The following HECW1 variants were observed in gnomAD, a reference collection of about 807,000 sequenced individuals.
HECW1 encodes the protein E3 ubiquitin-protein ligase HECW1.
In HECW1, 61 loss-of-function variants were observed where a neutral mutation model predicts 182.3. That is an observed-to-expected ratio of 0.33 (90% CI 0.27 to 0.41). The LOEUF is 0.41. HECW1 is among the 10% of genes least tolerant of loss of function. HECW1 has a pLI of 1.00. For missense variants in HECW1, 1,739 were observed against 2,108.9 expected (o/e 0.82, Z 3.44); for synonymous variants, 859 against 832.6 (o/e 1.03, Z -0.55).
At chr7:43,295,089 A>G (rs531888625) in intron 3 of HECW1, among the ~76,000 whole-genome samples, 59 of 152,316 alleles carry the variant, frequency 3.9e-4, no homozygotes, top group African/African-American at 1.4e-3. Context: ...TACACAATTT[A>G]CAGGAATAGT....
intron 17 of HECW1, among the ~76,000 whole-genome samples, chr7:43,490,837 A>C (rs1381984280): frequency 6.6e-6 from 1 of 152,160 alleles, no homozygotes; most frequent in Non-Finnish European, 1.5e-5. Context: ...GGTTCACTGC[A>C]ACCTATGCCT....
chr7:43,533,454 C>G (rs2081066426), intron 24 of HECW1, among the ~76,000 whole-genome samples: 1 of 152,134 alleles, frequency 6.6e-6, no homozygotes, highest in Admixed American at 6.5e-5. Flanking sequence ...AGAGTCATGG[C>G]TTGGGAAACA....
rs578058336 is a variant in HECW1, at chr7:43,185,839, G to A, written c.-31-58036G>A. Reference sequence around the variant, plus strand: ...TTCCTTTAATATAATTTAATTTTAAGTTATATAATTTAATTTGTAATAATG... The same window carrying A: ...TTCCTTTAATATAATTTAATTTTAAATTATATAATTTAATTTGTAATAATG... On this transcript the variant is annotated intron_variant, in intron 2 of 29. Transcript: ENST00000395891. 3.9e-5 allele frequency among the ~76,000 whole-genome samples: 6 copies of A among 152,126 alleles called. No individual in the cohort carries two copies. The South Asian group carries it at 1.2e-3, about 32-fold the overall frequency.
chr7:43,454,742 C>T (rs1032929775), intron 12 of HECW1, among the ~76,000 whole-genome samples: 6 of 151,658 alleles, frequency 4.0e-5, no homozygotes, highest in Non-Finnish European at 7.4e-5. Flanking sequence ...ATATTTTTTC[C>T]CTTAAAAAAA....
intron 2 of HECW1, among the ~76,000 whole-genome samples, chr7:43,234,253 ATCCT>A (rs1798118246): frequency 6.6e-6 from 1 of 151,734 alleles, no homozygotes; most frequent in Non-Finnish European, 1.5e-5. Context: ...CTCCCTCCTC[ATCCT>A]TCCAGTGTGT....
At chr7:43,259,346 T>C (rs11773859) in intron 3 of HECW1, among the ~76,000 whole-genome samples, 63,230 of 150,786 alleles carry the variant, frequency 0.42, 14,855 homozygotes, top group African/African-American at 0.64. Context: ...GAGATCGCAG[T>C]GCTGCGCTCC....
At chr7:43,195,274 G>A (rs982554810) in intron 2 of HECW1, among the ~76,000 whole-genome samples, 3 of 152,188 alleles carry the variant, frequency 2.0e-5, no homozygotes, top group South Asian at 2.1e-4. Context: ...TATAAACTTC[G>A]CAAAGCTGTG....
At position 43,534,131 on chromosome 7, in the gene HECW1, G is replaced by A. The variant is rs537283585; in HGVS notation, c.4020-7032G>A. On this transcript the variant is annotated intron_variant, in intron 24 of 29. Coordinates refer to ENST00000395891, the MANE Select transcript of HECW1 (RefSeq NM_015052.5). ...TTCGCTCAATTTTTATATCACTTTC[G>A]TATAAAAGGATTAACTAGAAGGCTT... Among the ~76,000 whole-genome samples the A allele has an allele frequency of 1.4e-4, 22 of 152,212 alleles. No individual in the cohort carries two copies. In the South Asian group the frequency reaches 1.5e-3, roughly 10 times the overall value.
At chr7:43,190,481 C>T (rs1039943447) in intron 2 of HECW1, among the ~76,000 whole-genome samples, 1 of 152,146 alleles carries the variant, frequency 6.6e-6, no homozygotes, top group African/African-American at 2.4e-5. Flanking sequence ...CAACTAAATC[C>T]TGATAAGCTT....
rs1554440499 is a variant in HECW1 at position 43,488,434 on chromosome 7, G to GAAAGAAAGAAAGAAAGAAAGAA, written c.3235-3640_3235-3639insAAGAAAGAAAGAAAGAAAGAAA. 5.4e-5 allele frequency among the ~76,000 whole-genome samples: 5 copies of GAAAGAAAGAAAGAAAGAAAGAA among 93,136 alleles called. No individual in the cohort carries two copies. The East Asian group carries it at 8.9e-4, about 17-fold the overall frequency. The allele number at this position is 93,136 out of a possible 152,430, so 61.1% of individuals were successfully genotyped here. ...AAAGAGAGAGAGAGAAAGAAAGAAA[G>GAAAGAAAGAAAGAAAGAAAGAA]AGAAAGAAAGAAAGAAAGAAAGAAA... On this transcript the variant is annotated intron_variant, in intron 17 of 29. Coordinates refer to ENST00000395891, the MANE Select transcript of HECW1 (RefSeq NM_015052.5).
chr7:43,140,989 C>A (rs1788092620), intron 2 of HECW1, among the ~76,000 whole-genome samples: 1 of 152,210 alleles, frequency 6.6e-6, no homozygotes, highest in Admixed American at 6.5e-5. Flanking sequence ...CTTCTGACCT[C>A]ATTTAATCAT....
intron 5 of HECW1, among the ~76,000 whole-genome samples, chr7:43,351,019 G>A (rs566008161): frequency 6.6e-5 from 10 of 152,288 alleles, no homozygotes; most frequent in African/African-American, 2.4e-4. Flanking sequence ...GAAGGTCTAG[G>A]GCTGAAGGCT....
intron 2 of HECW1, among the ~76,000 whole-genome samples, chr7:43,125,379 C>G (rs1045155552): frequency 7.2e-5 from 11 of 152,114 alleles, no homozygotes. Flanking sequence ...CTGACTTGCT[C>G]TGAGTCCAGA....
chr7:43,545,333 T>C (rs1486559380), intron 26 of HECW1, among the ~76,000 whole-genome samples: 2 of 152,164 alleles, frequency 1.3e-5, no homozygotes, highest in Non-Finnish European at 2.9e-5. Context: ...TGCATAAAAT[T>C]AGAGGAAAAA....
chr7:43,541,601 A>G (rs1043560096), intron 25 of HECW1, among the ~76,000 whole-genome samples: 2 of 152,198 alleles, frequency 1.3e-5, no homozygotes, highest in Non-Finnish European at 1.5e-5. Context: ...TTTTAAAATG[A>G]TAGTTTTCTC....
At chr7:43,189,505 C>G (rs772766936) in intron 2 of HECW1, among the ~76,000 whole-genome samples, 25 of 152,056 alleles carry the variant, frequency 1.6e-4, no homozygotes, top group Non-Finnish European at 3.7e-4. Context: ...TATTCAAGAG[C>G]TCACTCCACT....
intron 5 of HECW1, among the ~76,000 whole-genome samples, chr7:43,330,137 C>T (rs1811289162): frequency 6.6e-6 from 1 of 152,128 alleles, no homozygotes; most frequent in Admixed American, 6.5e-5. Context: ...TCCCCTTGAG[C>T]CTGGGTGGGT....
rs2076995471 is a variant in HECW1 at position 43,444,843 on chromosome 7, G to A, written c.1671G>A (p.Arg557=). The A allele has an allele frequency of 6.2e-7, 1 of 1,613,546 alleles. No homozygotes were observed. Among genetic ancestry groups the A allele is most frequent in the Non-Finnish European group, 8.5e-7 (1 of 1,179,970 alleles). Residue 557 remains arginine, a synonymous_variant, in exon 11 of 30, where the codon CGG becomes CGA. Coordinates refer to ENST00000395891, the MANE Select transcript of HECW1 (RefSeq NM_015052.5). The surrounding 1 kb of genome is among the most constrained non-coding windows in gnomAD (Gnocchi z 4.3). ...ASACGDPETP[R]THYIRIHTLL... Reference sequence around the variant, plus strand: ...CCTGCGGGGACCCCGAGACCCCGCGGACACACTACATCCGCATCCACACCC... The same window carrying A: ...CCTGCGGGGACCCCGAGACCCCGCGAACACACTACATCCGCATCCACACCC...
intron 17 of HECW1, 49 bp from the exon 18 acceptor site, chr7:43,492,026 C>T (rs2078950222): frequency 2.2e-6 from 3 of 1,375,886 alleles, no homozygotes; most frequent in Non-Finnish European, 3.1e-6. Flanking sequence ...CAAGAGACAT[C>T]TGAAATTGAT....
Sources: gnomAD v4.1 joint callset for allele counts (sites outside exome capture counted in the v4.1 genomes callset) on GRCh38, gnomAD v4.1.1 for gene constraint, Gnocchi (gnomAD v3.1) non-coding constraint, MANE v1.5 for transcripts, NCBI Gene and HGNC (gene_info 2026-07-23, HGNC 2026-07-21) for gene names.